EPM2A: variants seen among roughly 807,000 people sequenced by gnomAD.
EPM2A encodes EPM2A glucan phosphatase, laforin.
Under a neutral mutation model 26.5 loss-of-function variants are expected in EPM2A, and 21 were observed. The ratio of observed to expected loss-of-function variants is 0.79; its 90% CI spans 0.56 to 1.14. The LOEUF is 1.14. Among genes scored for constraint, EPM2A ranks in the 50% most tolerant of loss-of-function variants. The pLI is 0.00. For synonymous variants in EPM2A, 217 were observed against 177.6 expected (o/e 1.22, Z -1.76); for missense variants, 458 against 440.8 (o/e 1.04, Z -0.35).
chr6:145,609,520 AT>A (rs1351045251), intron 2 of EPM2A, among the ~76,000 whole-genome samples: 32 of 152,326 alleles, frequency 2.1e-4, no homozygotes, highest in Non-Finnish European at 2.9e-5. Context: ...TGTGGGAAAG[AT>A]GGCTTATTCT....
At chr6:145,555,432 A>G (rs1252789459) in intron 2 of EPM2A, among the ~76,000 whole-genome samples, 1 of 152,108 alleles carries the variant, frequency 6.6e-6, no homozygotes, top group African/African-American at 2.4e-5. Flanking sequence ...TGAGCCAGGA[A>G]ACACTGGCAA....
downstream of EPM2A, among the ~76,000 whole-genome samples, chr6:145,623,045 G>A (rs1012059910): frequency 7.2e-5 from 11 of 152,158 alleles, 1 homozygote; most frequent in Non-Finnish European, 1.5e-4. Context: ...ACTGATACAT[G>A]TGAAGCACTT....
At chr6:145,564,986 C>T (rs983599533) in intron 2 of EPM2A, among the ~76,000 whole-genome samples, 1 of 152,200 alleles carries the variant, frequency 6.6e-6, no homozygotes, top group Non-Finnish European at 1.5e-5. Context: ...CAGTGGGCAT[C>T]TCTGAAGAGG....
chr6:145,446,168 T>C (rs1232309802), intron 4 of EPM2A, among the ~76,000 whole-genome samples: 1 of 152,182 alleles, frequency 6.6e-6, no homozygotes, highest in Non-Finnish European at 1.5e-5. Flanking sequence ...CTAGCCAACA[T>C]GTAACTGCAA....
chr6:145,720,183 A>G (rs957056176), intron 1 of EPM2A, among the ~76,000 whole-genome samples: 2 of 152,208 alleles, frequency 1.3e-5, no homozygotes, highest in African/African-American at 4.8e-5. Context: ...CACATTAAGT[A>G]AAGACTGAAG....
intron 4 of EPM2A, among the ~76,000 whole-genome samples, chr6:145,401,068 A>T (rs1778478891): frequency 6.6e-6 from 1 of 152,186 alleles, no homozygotes; most frequent in Non-Finnish European, 1.5e-5. Context: ...TTAATACAAT[A>T]TTGTAATAAT....
At chr6:145,526,134 G>A (rs1780269899) in intron 2 of EPM2A, among the ~76,000 whole-genome samples, 1 of 152,082 alleles carries the variant, frequency 6.6e-6, no homozygotes. Flanking sequence ...TGCATCCCAG[G>A]AAGAAAGCCT....
chr6:145,572,261 C>A (rs1187411506), intron 2 of EPM2A, among the ~76,000 whole-genome samples: 1 of 152,178 alleles, frequency 6.6e-6, no homozygotes, highest in Non-Finnish European at 1.5e-5. Flanking sequence ...GTGAACCAGA[C>A]CCTAGTCTTC....
At chr6:145,672,415 C>T (rs1779712044) in intron 2 of EPM2A, among the ~76,000 whole-genome samples, 1 of 152,144 alleles carries the variant, frequency 6.6e-6, no homozygotes, top group African/African-American at 2.4e-5. Context: ...AGAGCTACAA[C>T]AAACAACAAA....
chr6:145,533,570 G>A (rs1047983833), intron 2 of EPM2A, among the ~76,000 whole-genome samples: 1 of 152,172 alleles, frequency 6.6e-6, no homozygotes, highest in African/African-American at 2.4e-5. Flanking sequence ...GACACAAAGT[G>A]TGTCTTTAAT....
At chr6:145,384,919 G>A (rs1011090048) in intron 4 of EPM2A, among the ~76,000 whole-genome samples, 7 of 147,494 alleles carry the variant, frequency 4.7e-5, no homozygotes, top group African/African-American at 7.5e-5. Flanking sequence ...CAACGACTAG[G>A]CATCTATGAG....
At chr6:145,564,780 G>T (rs967273978) in intron 2 of EPM2A, among the ~76,000 whole-genome samples, 1 of 151,006 alleles carries the variant, frequency 6.6e-6, no homozygotes, top group Admixed American at 6.6e-5. Flanking sequence ...TGGTGGGGGG[G>T]GGCAGGGGGT....
intron 2 of EPM2A, among the ~76,000 whole-genome samples, chr6:145,580,820 C>G (rs1781102891): frequency 6.6e-6 from 1 of 152,122 alleles, no homozygotes; most frequent in South Asian, 2.1e-4. Context: ...GCCTCCATCT[C>G]TAGTTATGTT....
chr6:145,720,959 C>G lies in EPM2A; in HGVS notation c.301+14239G>C, dbSNP rs374090557. 2.0e-5 allele frequency: 3 copies of G among 152,218 alleles called. No individual in the cohort carries two copies. In the East Asian group the frequency reaches 5.8e-4, roughly 29 times the overall value. 9.4% of individuals were successfully genotyped at this position (152,218 alleles called of 1,614,324 possible). A position where few individuals can be genotyped will look rare whatever the true frequency, so the allele number is the denominator to read the frequency against. ...GTGGATCACTTGTGCTTCAGGAGTT[C>G]GAGACAGGCCTGGGCAACATGGCGA... On this transcript the variant is annotated intron_variant, in intron 1 of 3. Coordinates refer to ENST00000367519, the MANE Select transcript of EPM2A (RefSeq NM_005670.4).
At chr6:145,627,835 T>A (rs1171328629) in intron 3 of EPM2A, 142 bp from the exon 4 acceptor site, 5 of 1,244,784 alleles carry the variant, frequency 4.0e-6, no homozygotes, top group South Asian at 1.4e-5. Flanking sequence ...TTCTGCATTG[T>A]GAAGGAAAAA....
intron 2 of EPM2A, among the ~76,000 whole-genome samples, chr6:145,676,855 G>T (rs1780080287): frequency 1.3e-5 from 2 of 152,156 alleles, no homozygotes; most frequent in Admixed American, 6.5e-5. Flanking sequence ...GAGGTACAAA[G>T]AGGAGCTGGT....
At chr6:145,594,601 AC>A (rs1489252415) in intron 2 of EPM2A, among the ~76,000 whole-genome samples, 1 of 151,934 alleles carries the variant, frequency 6.6e-6, no homozygotes, top group Non-Finnish European at 1.5e-5. Context: ...AAAATTCTAC[AC>A]CATAACAAAG....
chr6:145,613,409 T>G (rs1266458694), intron 2 of EPM2A, among the ~76,000 whole-genome samples: 1 of 152,198 alleles, frequency 6.6e-6, no homozygotes, highest in African/African-American at 2.4e-5. Context: ...AAACTCCTTT[T>G]GCTGACATTT....
intron 1 of EPM2A, among the ~76,000 whole-genome samples, chr6:145,688,328 T>C (rs1012321844): frequency 6.6e-6 from 1 of 152,122 alleles, no homozygotes; most frequent in Non-Finnish European, 1.5e-5. Context: ...ATTATGCAGA[T>C]TCAAGAGGGA....
Sources: gnomAD v4.1 joint callset for allele counts (sites outside exome capture counted in the v4.1 genomes callset) on GRCh38, gnomAD v4.1.1 for gene constraint, MANE v1.5 for transcripts, NCBI Gene and HGNC (gene_info 2026-07-23, HGNC 2026-07-21) for gene names.